Variants in UCHL3 observed in about 807,000 individuals in gnomAD.
UCHL3 encodes ubiquitin carboxyl-terminal hydrolase isozyme L3.
Under a neutral mutation model 35.8 loss-of-function variants are expected in UCHL3, and 22 were observed. That is an observed-to-expected ratio of 0.61 (90% CI 0.44 to 0.88). The LOEUF (loss-of-function observed/expected upper bound fraction) is 0.88, where lower values mean the gene tolerates loss of function less well. Among genes scored for constraint, UCHL3 ranks in the 40% least tolerant of loss-of-function variants. UCHL3 has a pLI of 0.00. For synonymous variants in UCHL3, 90 were observed against 92.8 expected (o/e 0.97, Z 0.17); for missense variants, 229 against 276.9 (o/e 0.83, Z 1.23).
Position 75,566,678 on chromosome 13 carries a change from C to CTT in UCHL3, c.184-7_184-6dup. ...TTATTTTCCACAAATACACTGTTGACTTTTTTTTTTTAATAGTATGAAGTA... is the reference window on the plus strand; with the variant it reads ...TTATTTTCCACAAATACACTGTTGACTTTTTTTTTTTTTAATAGTATGAAGTA... On this transcript the variant is annotated splice_polypyrimidine_tract_variant and intron_variant, in intron 3 of 8. Transcript: ENST00000377595. 3 of 1,105,122 alleles carry CTT rather than the reference C, an allele frequency of 2.7e-6. No homozygotes were observed. The highest frequency in any genetic ancestry group is 3.2e-5 in the East Asian group (1 of 31,524). The allele number at this position is 1,105,122 out of a possible 1,614,324, so 68.5% of individuals were successfully genotyped here. A position where few individuals can be genotyped will look rare whatever the true frequency, so the allele number is the denominator to read the frequency against.
chr13:75,555,739 A>T (rs1197311927), intron 2 of UCHL3, among the ~76,000 whole-genome samples: 1 of 152,152 alleles, frequency 6.6e-6, no homozygotes, highest in Non-Finnish European at 1.5e-5. Context: ...ATTGCTCTTT[A>T]AAAAACTCTT....
intron 7 of UCHL3, among the ~76,000 whole-genome samples, chr13:75,600,961 G>T (rs1197376822): frequency 1.3e-5 from 2 of 152,172 alleles, no homozygotes; most frequent in Non-Finnish European, 2.9e-5. Context: ...CATGAGTTTG[G>T]AATAAGTTGG....
chr13:75,549,604 T>G, upstream of UCHL3: 1 of 470,872 alleles, frequency 2.1e-6, no homozygotes, highest in Non-Finnish European at 3.6e-6. Flanking sequence ...TATTTTTTTC[T>G]CCTCGGCAGC....
chr13:75,555,436 C>T (rs139363450), intron 2 of UCHL3, among the ~76,000 whole-genome samples: 144 of 152,262 alleles, frequency 9.5e-4, no homozygotes, highest in African/African-American at 3.2e-3. Flanking sequence ...AGTATGAGAA[C>T]GGTGCCAGGC....
intron 3 of UCHL3, among the ~76,000 whole-genome samples, chr13:75,561,900 CAT>C (rs1169715291): frequency 1.2e-4 from 18 of 151,128 alleles, no homozygotes; most frequent in African/African-American, 4.1e-4. Context: ...TATACACACA[CAT>C]GCACATATAT....
chr13:75,600,145 C>T (rs1313612400), intron 7 of UCHL3, among the ~76,000 whole-genome samples: 2 of 152,206 alleles, frequency 1.3e-5, no homozygotes, highest in African/African-American at 4.8e-5. Context: ...GAGGAAGCTA[C>T]AGAAGAAAGG....
rs6145127 is a variant in UCHL3 at position 75,571,976 on chromosome 13, CTGTCTTGTCTTGTCTTGTCTTGTCT to C, written c.474+2496_474+2520del. ...AGCTGTATTCAAAGTTTTCCTAACC[CTGTCTTGTCTTGTCTTGTCTTGTCT>C]TGTCTTGTCTTGTCTTGTCTTGTCT... is the stretch of plus-strand genomic sequence containing the variant. On this transcript the variant is annotated intron_variant, in intron 6 of 8. Transcript: ENST00000377595. Among the ~76,000 whole-genome samples, 4 of 143,152 alleles carry C rather than the reference CTGTCTTGTCTTGTCTTGTCTTGTCT, an allele frequency of 2.8e-5. No homozygotes were observed. In the East Asian group the frequency reaches 6.1e-4, roughly 22 times the overall value. The allele number at this position is 143,152 out of a possible 152,430, so 93.9% of individuals were successfully genotyped here. A position where few individuals can be genotyped will look rare whatever the true frequency, so the allele number is the denominator to read the frequency against.
At chr13:75,590,575 T>C (rs1439969748) in intron 6 of UCHL3, among the ~76,000 whole-genome samples, 3 of 152,212 alleles carry the variant, frequency 2.0e-5, no homozygotes, top group Non-Finnish European at 4.4e-5. Flanking sequence ...TCTCTTGCCA[T>C]GCTCTGGGGT....
chr13:75,594,918 C>A lies in UCHL3; in HGVS notation c.478C>A (p.Pro160Thr), dbSNP rs375314560. ...TSAHEGQTEA[P>T]SIDEKVDLHF... ...CTATTTTTCCCTCCTATTCCAGGCA[C>A]CAAGTATAGATGAGAAAGTAGATCT... Residue 160 changes from proline (P) to threonine (T), a missense_variant, in exon 7 of 9, where the codon CCA becomes ACA. Transcript: ENST00000377595. The A allele has an allele frequency of 1.9e-6, 3 of 1,606,062 alleles. No individual in the cohort carries two copies. The highest frequency in any genetic ancestry group is 8.5e-7 in the Non-Finnish European group (1 of 1,178,114).
At chr13:75,567,355 T>G (rs1346839976) in intron 5 of UCHL3, 43 bp downstream of exon 5, 2 of 1,563,336 alleles carry the variant, frequency 1.3e-6, no homozygotes, top group Admixed American at 3.4e-5. Context: ...GGGCAAAAGT[T>G]TGTGGGATTG....
chr13:75,566,338 C>T (rs533995767), intron 3 of UCHL3, among the ~76,000 whole-genome samples: 1 of 152,084 alleles, frequency 6.6e-6, no homozygotes, highest in Admixed American at 6.5e-5. Flanking sequence ...TATATTTTAA[C>T]CAAATCTCCA....
chr13:75,584,612 A>G (rs940116214), intron 6 of UCHL3, among the ~76,000 whole-genome samples: 5 of 152,174 alleles, frequency 3.3e-5, no homozygotes, highest in Non-Finnish European at 5.9e-5. Flanking sequence ...TCTGGCTTTT[A>G]ACCAAAAGCA....
intron 7 of UCHL3, among the ~76,000 whole-genome samples, chr13:75,595,385 C>T (rs907552073): frequency 2.0e-5 from 3 of 151,700 alleles, no homozygotes; most frequent in African/African-American, 7.3e-5. Flanking sequence ...ATAACCTGAG[C>T]TCAGGAGTTC....
intron 7 of UCHL3, among the ~76,000 whole-genome samples, chr13:75,597,909 T>C (rs2032685766): frequency 6.6e-6 from 1 of 152,224 alleles, no homozygotes; most frequent in Non-Finnish European, 1.5e-5. Context: ...GAGTTATTTC[T>C]CTTTTGTTAT....
At chr13:75,592,292 T>A (rs953282225) in intron 6 of UCHL3, among the ~76,000 whole-genome samples, 9 of 150,060 alleles carry the variant, frequency 6.0e-5, no homozygotes, top group Non-Finnish European at 1.2e-4. Flanking sequence ...AAGAGTAGGA[T>A]CCTTATCAGT....
At chr13:75,575,365 A>G (rs983635132) in intron 6 of UCHL3, among the ~76,000 whole-genome samples, 19 of 152,254 alleles carry the variant, frequency 1.2e-4, no homozygotes, top group African/African-American at 4.3e-4. Flanking sequence ...TAAAAACATA[A>G]AAGAAGAATG....
intron 6 of UCHL3, among the ~76,000 whole-genome samples, chr13:75,576,916 TG>T (rs1203690336): frequency 4.6e-5 from 7 of 152,330 alleles, no homozygotes; most frequent in African/African-American, 1.7e-4. Context: ...CCCGCTGTAA[TG>T]GTGGGTTCCT....
chr13:75,550,771 C>G (rs562772736), intron 2 of UCHL3, among the ~76,000 whole-genome samples: 2 of 146,838 alleles, frequency 1.4e-5, no homozygotes, highest in South Asian at 4.3e-4. Context: ...TTACTGCTCT[C>G]CTAGTTTATC....
In UCHL3 at chr13:75,566,804, T is replaced by C. The variant is rs771320095; in HGVS notation, c.293T>C (p.Ile98Thr). The C allele has an allele frequency of 7.5e-6, 12 of 1,610,686 alleles. No individual in the cohort carries two copies. Among genetic ancestry groups the C allele is most frequent in the South Asian group, 5.5e-5 (5 of 90,248 alleles). The change falls in exon 4 of 9, where the codon ATT becomes ACT. Residue 98 changes from isoleucine to threonine, a missense_variant. Physicochemically the swap from Ile to Thr is moderately conservative, Grantham distance 89. Transcript: ENST00000377595. ...ACAATCAGCAATGCCTGTGGAACAATTGGACTGATTCATGCTATTGCAAAC... is the reference window on the plus strand; with the variant it reads ...ACAATCAGCAATGCCTGTGGAACAACTGGACTGATTCATGCTATTGCAAAC... ...KQTISNACGT[I>T]GLIHAIANNK...
Sources: gnomAD v4.1 joint callset for allele counts (sites outside exome capture counted in the v4.1 genomes callset) on GRCh38, gnomAD v4.1.1 for gene constraint, MANE v1.5 for transcripts, NCBI Gene and HGNC (gene_info 2026-07-23, HGNC 2026-07-21) for gene names.